The following CLASP2 variants were observed in gnomAD, a reference collection of about 807,000 sequenced individuals.
The protein encoded by CLASP2 is cytoplasmic linker associated protein 2.
A neutral mutation model predicts 194.4 loss-of-function variants in CLASP2; 47 were observed. The ratio of observed to expected loss-of-function variants is 0.24; its 90% CI spans 0.19 to 0.31. The LOEUF is 0.31. CLASP2 is among the 10% of genes least tolerant of loss of function. The pLI is 1.00. For synonymous variants in CLASP2, 619 were observed against 633.5 expected (o/e 0.98, Z 0.34); for missense variants, 1,445 against 1,823.6 (o/e 0.79, Z 3.78).
At chr3:33,510,855 A>G (rs2049531924) in intron 36 of CLASP2, 91 bp from the exon 37 acceptor site, 1 of 1,141,608 alleles carries the variant, frequency 8.8e-7, no homozygotes, top group Admixed American at 2.5e-5. Context: ...ATTCAATATA[A>G]TATATGGAAT....
At chr3:33,543,298 G>A in intron 32 of CLASP2, 135 bp downstream of exon 32, 1 of 600,686 alleles carries the variant, frequency 1.7e-6, no homozygotes, top group Admixed American at 2.6e-5. Flanking sequence ...GCTTGAACCT[G>A]GGAGGTAGAG....
intron 30 of CLASP2, among the ~76,000 whole-genome samples, chr3:33,545,791 T>A (rs1228644817): frequency 6.6e-6 from 1 of 151,860 alleles, no homozygotes; most frequent in East Asian, 1.9e-4. Flanking sequence ...GTGCTTGTAA[T>A]CCCAGCTACC....
chr3:33,591,256 G>A (rs1315752577), intron 21 of CLASP2, among the ~76,000 whole-genome samples: 1 of 152,200 alleles, frequency 6.6e-6, no homozygotes, highest in African/African-American at 2.4e-5. Context: ...GTTTTCAGAG[G>A]TAAGCACTAA....
chr3:33,544,966 T>C (rs2058923321), intron 30 of CLASP2, 125 bp from the exon 31 acceptor site: 1 of 604,722 alleles, frequency 1.7e-6, no homozygotes, highest in Middle Eastern at 4.9e-4. Context: ...AAGGAAGATA[T>C]TCTTATTTGC....
Position 33,662,128 on chromosome 3 carries a change from T to C in CLASP2, c.715+1317A>G, listed in dbSNP as rs181274365. ...GAGTGATAAACAAGAGAAAAAGTAA[T>C]GGGAACTAAAGAAACAAAAAAGCTC... On this transcript the variant is annotated intron_variant, in intron 7 of 38. Transcript: ENST00000682230. Among the ~76,000 whole-genome samples the C allele has an allele frequency of 5.5e-4, 84 of 152,106 alleles. No individual in the cohort carries two copies. In the East Asian group the frequency reaches 0.015, roughly 28 times the overall value.
At chr3:33,643,814 C>T (rs1437134735) in intron 8 of CLASP2, among the ~76,000 whole-genome samples, 1 of 151,830 alleles carries the variant, frequency 6.6e-6, no homozygotes, top group African/African-American at 2.4e-5. Flanking sequence ...TCAAAATATA[C>T]AGTTTATTTT....
At chr3:33,513,312 G>A (rs2050434167) in intron 36 of CLASP2, among the ~76,000 whole-genome samples, 1 of 152,126 alleles carries the variant, frequency 6.6e-6, no homozygotes, top group African/African-American at 2.4e-5. Flanking sequence ...GCCAAGCCAG[G>A]CAGATCACTT....
chr3:33,602,015 CTTTTT>C (rs1163557505), intron 18 of CLASP2, among the ~76,000 whole-genome samples: 1 of 140,098 alleles, frequency 7.1e-6, no homozygotes. Context: ...TCCGAAATAC[CTTTTT>C]TTTTTTTTTT....
At chr3:33,600,547 T>C (rs1462349243) in intron 18 of CLASP2, among the ~76,000 whole-genome samples, 1 of 152,192 alleles carries the variant, frequency 6.6e-6, no homozygotes, top group African/African-American at 2.4e-5. Flanking sequence ...AACCTTGCAT[T>C]CTTGGCAATG....
At position 33,538,958 on chromosome 3, in the gene CLASP2, C is replaced by T; in HGVS notation, c.3405-16G>A. The T allele has an allele frequency of 1.3e-6, 2 of 1,536,666 alleles. No homozygotes were observed. Among genetic ancestry groups the T allele is most frequent in the Non-Finnish European group, 1.7e-6 (2 of 1,143,122 alleles). ...ATCAAATGCACTATGAAAAAGACGA[C>T]ACTAATTTTTACTTAGGTGTAGTTT... On this transcript the variant is annotated splice_polypyrimidine_tract_variant and intron_variant, in intron 32 of 38. Transcript: ENST00000682230.
chr3:33,603,232 A>T, intron 17 of CLASP2, 107 bp from the exon 18 acceptor site: 1 of 1,240,458 alleles, frequency 8.1e-7, no homozygotes. Flanking sequence ...ATGGTCAACA[A>T]AAAGGCTGTG....
chr3:33,498,729 A>G lies in CLASP2; in HGVS notation c.4435-12T>C. On this transcript the variant is annotated splice_polypyrimidine_tract_variant and intron_variant, in intron 38 of 38. Coordinates refer to ENST00000682230, the MANE Select transcript of CLASP2 (RefSeq NM_001365631.1). Reference sequence around the variant, plus strand: ...TTCAGTAGCTTCATCTGCAGATTCAAGCCAAATAAATGTCATTTGAGCAAG... The same window carrying G: ...TTCAGTAGCTTCATCTGCAGATTCAGGCCAAATAAATGTCATTTGAGCAAG... The G allele has an allele frequency of 6.3e-7, 1 of 1,596,166 alleles. No homozygotes were observed. The highest frequency in any genetic ancestry group is 8.6e-7 in the Non-Finnish European group (1 of 1,164,112).
chr3:33,618,778 A>G (rs564806321), intron 12 of CLASP2, among the ~76,000 whole-genome samples: 3 of 152,358 alleles, frequency 2.0e-5, no homozygotes, highest in African/African-American at 7.2e-5. Context: ...TACACATTAA[A>G]TTGCTAAAGT....
chr3:33,690,182 G>T (rs1490727598), intron 2 of CLASP2, among the ~76,000 whole-genome samples: 1 of 152,108 alleles, frequency 6.6e-6, no homozygotes, highest in Non-Finnish European at 1.5e-5. Flanking sequence ...TTTTCTCAGA[G>T]AAATGTATAG....
intron 1 of CLASP2, among the ~76,000 whole-genome samples, chr3:33,698,646 A>G (rs926096614): frequency 6.6e-6 from 1 of 152,248 alleles, no homozygotes; most frequent in Non-Finnish European, 1.5e-5. Flanking sequence ...AAACTGAAGC[A>G]AATATGAACT....
At chr3:33,584,076 A>G (rs140123106) in intron 22 of CLASP2, among the ~76,000 whole-genome samples, 125 of 152,322 alleles carry the variant, frequency 8.2e-4, no homozygotes, top group African/African-American at 2.8e-3. Flanking sequence ...AAGTATCCTA[A>G]TCAATACACA....
At chr3:33,606,057 C>T (rs1290048289) in intron 16 of CLASP2, among the ~76,000 whole-genome samples, 1 of 151,992 alleles carries the variant, frequency 6.6e-6, no homozygotes, top group Non-Finnish European at 1.5e-5. Context: ...GCTAGAGAGA[C>T]AGAAAACAGG....
chr3:33,627,458 T>G (rs938614452), intron 9 of CLASP2, among the ~76,000 whole-genome samples: 2 of 152,150 alleles, frequency 1.3e-5, no homozygotes, highest in Non-Finnish European at 2.9e-5. Context: ...AAAGGACATG[T>G]TATAAGTTAG....
chr3:33,705,222 C>T lies in CLASP2; in HGVS notation c.196-8289G>A, dbSNP rs149126193. On this transcript the variant is annotated intron_variant, in intron 1 of 38. Coordinates refer to ENST00000682230, the MANE Select transcript of CLASP2 (RefSeq NM_001365631.1). Reference sequence around the variant, plus strand: ...ACAGAATTTTACTCATCCATAAATACGAATGGCTGATACATGCTATAACAT... The same window carrying T: ...ACAGAATTTTACTCATCCATAAATATGAATGGCTGATACATGCTATAACAT... Among the ~76,000 whole-genome samples, 594 of 152,258 alleles carry T rather than the reference C, an allele frequency of 3.9e-3. 4 individuals carry two copies. The highest frequency in any genetic ancestry group is 0.013 in the African/African-American group (549 of 41,534).
Sources: gnomAD v4.1 joint callset for allele counts (sites outside exome capture counted in the v4.1 genomes callset) on GRCh38, gnomAD v4.1.1 for gene constraint, MANE v1.5 for transcripts, NCBI Gene and HGNC (gene_info 2026-07-23, HGNC 2026-07-21) for gene names.